Variants in C7 observed in about 807,000 individuals in gnomAD.
C7 encodes the protein complement C7, also known as complement component C7.
In C7, 83 loss-of-function variants were observed where a neutral mutation model predicts 104.8. That is an observed-to-expected ratio of 0.79 (90% CI 0.66 to 0.95). The LOEUF is 0.95. C7 is among the 40% of genes least tolerant of loss of function. The pLI, the probability that C7 is intolerant of heterozygous loss-of-function variation, is 0.00. For synonymous variants in C7, 415 were observed against 360.6 expected, an observed-to-expected ratio of 1.15 and a Z score of -1.71; for missense variants, 1,070 against 1,011.2, an observed-to-expected ratio of 1.06 and a Z score of -0.79.
chr5:40,911,231 T>C (rs1346462235), intron 1 of C7: 1 of 152,208 alleles, frequency 6.6e-6, no homozygotes, highest in Non-Finnish European at 1.5e-5. Flanking sequence ...TTTGGTGATA[T>C]GTGACAAAGA....
chr5:40,938,997 G>A (rs527339588), intron 6 of C7, among the ~76,000 whole-genome samples: 27 of 152,160 alleles, frequency 1.8e-4, no homozygotes, highest in Admixed American at 6.5e-4. Flanking sequence ...TCTTGCTCTC[G>A]TCTTTCAAGA....
At chr5:40,977,030 A>G (rs1000070754) in intron 16 of C7, among the ~76,000 whole-genome samples, 190 bp downstream of exon 16, 1 of 152,214 alleles carries the variant, frequency 6.6e-6, no homozygotes, top group African/African-American at 2.4e-5. Flanking sequence ...CATGGCATTA[A>G]GCAGTGTTCT....
chr5:40,954,877 C>CA (rs35360366), intron 9 of C7: 23,103 of 54,634 alleles, frequency 0.42, 7,668 homozygotes, highest in African/African-American at 0.53. Context: ...AATACTGTCT[C>CA]AAAAAAAAAA....
intron 9 of C7, 46 bp downstream of exon 9, chr5:40,950,060 T>G: frequency 1.7e-6 from 2 of 1,145,594 alleles, no homozygotes; most frequent in South Asian, 2.9e-5. Context: ...AACTTCTTTT[T>G]TTTTTACTTT....
At chr5:40,959,756 G>A (rs781207958) in intron 12 of C7, 136 bp downstream of exon 12, 2 of 635,762 alleles carry the variant, frequency 3.1e-6, no homozygotes, top group African/African-American at 3.7e-5. Context: ...TTGTCCCTTA[G>A]CACTAGGGTG....
At chr5:40,967,322 C>T (rs2111691982) in intron 14 of C7, among the ~76,000 whole-genome samples, 1 of 152,230 alleles carries the variant, frequency 6.6e-6, no homozygotes, top group Non-Finnish European at 1.5e-5. Flanking sequence ...CCTTGGCCTC[C>T]CAAAGTGTTG....
intron 1 of C7, among the ~76,000 whole-genome samples, chr5:40,920,242 T>C (rs150905321): frequency 2.6e-4 from 40 of 152,206 alleles, no homozygotes; most frequent in Middle Eastern, 6.8e-3. Context: ...CTGTAAAGTG[T>C]TGTTCAAGTT....
rs561467138 is a variant in C7, at chr5:40,936,830, G to A, written c.428+345G>A. ...AGAGAAAAAATACTAATTCAATAAT[G>A]TGGGGCTATTCAAGAGAATGAAGAG... is the stretch of plus-strand genomic sequence containing the variant. On this transcript the variant is annotated intron_variant, in intron 5 of 17. Transcript: ENST00000313164. Among the ~76,000 whole-genome samples, 7 of 152,282 alleles carry A rather than the reference G, an allele frequency of 4.6e-5. No homozygotes were observed. In the South Asian group the frequency reaches 1.5e-3, roughly 32 times the overall value.
intron 15 of C7, among the ~76,000 whole-genome samples, chr5:40,975,438 A>C (rs1740798008): frequency 6.8e-6 from 1 of 147,410 alleles, no homozygotes; most frequent in Non-Finnish European, 1.5e-5. Context: ...ATCTTGGTTC[A>C]CTGCAACCTC....
intron 1 of C7, among the ~76,000 whole-genome samples, chr5:40,912,039 C>A (rs1181380644): frequency 6.6e-6 from 1 of 152,044 alleles, no homozygotes; most frequent in Admixed American, 6.6e-5. Flanking sequence ...TGAACCACCA[C>A]GCCCGGCCCC....
chr5:40,964,031 T>TG (rs1561255112), intron 13 of C7, among the ~76,000 whole-genome samples: 18 of 125,698 alleles, frequency 1.4e-4, no homozygotes, highest in African/African-American at 4.9e-4. Flanking sequence ...TTTTTTTTTT[T>TG]TTTTTTTTTT....
At chr5:40,942,374 C>G (rs1279011497) in intron 6 of C7, among the ~76,000 whole-genome samples, 3 of 151,884 alleles carry the variant, frequency 2.0e-5, no homozygotes, top group Non-Finnish European at 4.4e-5. Flanking sequence ...TTGAAGAAGT[C>G]AGAGAGAATG....
At chr5:40,935,075 A>G (rs1334437331) in intron 4 of C7, among the ~76,000 whole-genome samples, 1 of 152,230 alleles carries the variant, frequency 6.6e-6, no homozygotes, top group African/African-American at 2.4e-5. Flanking sequence ...TTTTATGGGC[A>G]GAATAGTACA....
chr5:40,940,046 C>T (rs756113959), intron 6 of C7, among the ~76,000 whole-genome samples: 1 of 152,172 alleles, frequency 6.6e-6, no homozygotes, highest in Non-Finnish European at 1.5e-5. Flanking sequence ...CATGCAAATG[C>T]TAAACTCAGG....
At chr5:40,954,888 A>AAAAG in intron 9 of C7, 2 of 291,446 alleles carry the variant, frequency 6.9e-6, no homozygotes, top group Non-Finnish European at 1.3e-5. Context: ...AAAAAAAAAA[A>AAAAG]AAAAAAAAAA....
At chr5:40,957,997 C>T (rs1210347301) in intron 10 of C7, 36 bp from the exon 11 acceptor site, 4 of 1,449,790 alleles carry the variant, frequency 2.8e-6, no homozygotes, top group Non-Finnish European at 3.7e-6. Flanking sequence ...TTGCCTAAAT[C>T]CCTGATTACT....
At chr5:40,964,448 G>A (rs1002060384) in intron 13 of C7, 12 of 204,668 alleles carry the variant, frequency 5.9e-5, no homozygotes, top group Non-Finnish European at 8.7e-5. Flanking sequence ...TTTGGACAGT[G>A]TCCAAATAAT....
chr5:40,979,709 T>C lies in C7; in HGVS notation c.2166-16T>C, dbSNP rs754331123. The C allele has an allele frequency of 7.5e-6, 12 of 1,598,614 alleles. No individual in the cohort carries two copies. In the South Asian group the frequency reaches 1.2e-4, roughly 16 times the overall value. On this transcript the variant is annotated splice_polypyrimidine_tract_variant and intron_variant, in intron 16 of 17. Transcript: ENST00000313164. ...ACAAAAATCTTGTAAATAATGTCAT[T>C]AAAAATTCTTTTCAGACCTTCCTTG...
chr5:40,981,288 A>G, intron 17 of C7, 104 bp from the exon 18 acceptor site: 1 of 1,083,104 alleles, frequency 9.2e-7, no homozygotes, highest in Non-Finnish European at 1.4e-6. Flanking sequence ...TCCAGGCAGG[A>G]GCTTCTACAG....
Sources: gnomAD v4.1 joint callset for allele counts (sites outside exome capture counted in the v4.1 genomes callset) on GRCh38, gnomAD v4.1.1 for gene constraint, MANE v1.5 for transcripts, NCBI Gene and HGNC (gene_info 2026-07-23, HGNC 2026-07-21) for gene names.